The following EYS variants were observed in gnomAD, a reference collection of about 807,000 sequenced individuals.
EYS encodes the protein EGF-like photoreceptor maintenance factor.
A neutral mutation model predicts 282.1 loss-of-function variants in EYS; 250 were observed. That is an observed-to-expected ratio of 0.89 (90% confidence interval 0.80 to 0.98). The LOEUF is 0.98. Among genes scored for constraint, EYS ranks in the 50% least tolerant of loss-of-function variants. The pLI, the probability that EYS is intolerant of heterozygous loss-of-function variation, is 0.00. For missense variants in EYS, 4,016 were observed against 3,709.0 expected (o/e 1.08, Z -2.15); for synonymous variants, 1,355 against 1,282.9 (o/e 1.06, Z -1.20).
intron 35 of EYS, among the ~76,000 whole-genome samples, chr6:63,970,321 C>T (rs1460430329): frequency 2.0e-5 from 3 of 152,176 alleles, no homozygotes; most frequent in Admixed American, 2.0e-4. Context: ...ATGAAGCTGG[C>T]CATGGTTCCC....
chr6:63,827,606 A>T (rs939308970), intron 36 of EYS, among the ~76,000 whole-genome samples: 3 of 152,138 alleles, frequency 2.0e-5, no homozygotes, highest in African/African-American at 7.2e-5. Flanking sequence ...GCACTTTGGG[A>T]GGCCGAGGCG....
In EYS at chr6:65,176,805, T is replaced by C. The variant is rs529051275; in HGVS notation, c.2023+119058A>G. 6.4e-4 allele frequency among the ~76,000 whole-genome samples: 97 copies of C among 151,844 alleles called. 1 individual carries two copies. The highest frequency in any genetic ancestry group is 1.2e-3 in the Admixed American group (18 of 15,208). ...TTTGAAAGCTTACCTAAATGGTGGG[T>C]AACATCATTTGAAATTATTTGCATT... On this transcript the variant is annotated intron_variant, in intron 12 of 42. Coordinates refer to ENST00000503581, the MANE Select transcript of EYS (RefSeq NM_001142800.2).
intron 29 of EYS, among the ~76,000 whole-genome samples, chr6:64,340,269 T>A (rs1771050029): frequency 6.6e-6 from 1 of 151,282 alleles, no homozygotes; most frequent in African/African-American, 2.4e-5. Context: ...GCCAAATCAA[T>A]TCTAAGCAAA....
intron 31 of EYS, among the ~76,000 whole-genome samples, chr6:64,122,894 T>C (rs1773636551): frequency 6.6e-6 from 1 of 151,558 alleles, no homozygotes; most frequent in African/African-American, 2.4e-5. Context: ...CCAGGATAAA[T>C]AACAGAAATG....
intron 33 of EYS, among the ~76,000 whole-genome samples, chr6:64,045,385 TTA>T (rs1275287621): frequency 1.1e-5 from 1 of 92,558 alleles, no homozygotes; most frequent in Admixed American, 9.1e-5. Context: ...TGAAACAAGT[TTA>T]TTTTATTTTA....
intron 5 of EYS, among the ~76,000 whole-genome samples, chr6:65,488,459 G>C (rs566293354): frequency 6.6e-6 from 1 of 152,196 alleles, no homozygotes; most frequent in South Asian, 2.1e-4. Context: ...ATAAACCACT[G>C]CTCAAGGAAA....
chr6:65,378,945 G>C (rs1765504608), intron 8 of EYS, among the ~76,000 whole-genome samples: 1 of 151,866 alleles, frequency 6.6e-6, no homozygotes, highest in Non-Finnish European at 1.5e-5. Context: ...ATGACAGGTT[G>C]ATGGGTGCAG....
chr6:65,552,013 C>T (rs1177360241), intron 2 of EYS, among the ~76,000 whole-genome samples: 1 of 28,368 alleles, frequency 3.5e-5, no homozygotes, highest in Non-Finnish European at 5.2e-5. Context: ...AAAAAGTGGG[C>T]GAAGGTCATG....
chr6:63,778,337 A>T, intron 39 of EYS, 157 bp from the exon 40 acceptor site: 2 of 760,960 alleles, frequency 2.6e-6, no homozygotes, highest in Non-Finnish European at 2.1e-6. Flanking sequence ...GCGCAGAGAA[A>T]TTTTTTTTTA....
intron 22 of EYS, among the ~76,000 whole-genome samples, chr6:64,683,158 A>G (rs547126604): frequency 6.6e-6 from 1 of 152,342 alleles, no homozygotes; most frequent in East Asian, 1.9e-4. Flanking sequence ...GGCAGAATCA[A>G]CATTCTTTAT....
intron 12 of EYS, among the ~76,000 whole-genome samples, chr6:65,139,250 C>T (rs1764254348): frequency 6.6e-6 from 1 of 151,940 alleles, no homozygotes; most frequent in Non-Finnish European, 1.5e-5. Flanking sequence ...ACTATGCAGC[C>T]ATAAAAAAAG....
At chr6:64,504,958 A>T (rs1462055003) in intron 26 of EYS, among the ~76,000 whole-genome samples, 1 of 152,210 alleles carries the variant, frequency 6.6e-6, no homozygotes, top group African/African-American at 2.4e-5. Context: ...ACATGGTCAG[A>T]TTTATGAGAT....
At chr6:63,838,952 T>C (rs2149696157) in intron 36 of EYS, among the ~76,000 whole-genome samples, 1 of 152,314 alleles carries the variant, frequency 6.6e-6, no homozygotes, top group African/African-American at 2.4e-5. Context: ...TACATGATAA[T>C]TGCACATTTA....
intron 26 of EYS, among the ~76,000 whole-genome samples, chr6:64,457,607 G>A (rs1456788944): frequency 6.6e-6 from 1 of 151,888 alleles, no homozygotes; most frequent in Non-Finnish European, 1.5e-5. Flanking sequence ...ATACTATAGT[G>A]ACCTCCTTTG....
intron 13 of EYS, among the ~76,000 whole-genome samples, chr6:65,055,648 T>A (rs1288088343): frequency 6.6e-6 from 1 of 152,088 alleles, no homozygotes; most frequent in Non-Finnish European, 1.5e-5. Flanking sequence ...TTGCTTTTGA[T>A]GACCTTAACA....
At chr6:64,623,988 C>G (rs9353979) in intron 23 of EYS, among the ~76,000 whole-genome samples, 2,212 of 152,198 alleles carry the variant, frequency 0.015, 42 homozygotes, top group East Asian at 0.096. Flanking sequence ...GGAGCAGAGA[C>G]AGGAGTGTTG....
chr6:64,051,788 G>C (rs767091911), intron 33 of EYS, among the ~76,000 whole-genome samples: 9 of 152,076 alleles, frequency 5.9e-5, no homozygotes, highest in African/African-American at 1.2e-4. Context: ...TGTTCTGAAG[G>C]CCTGGCATAA....
intron 2 of EYS, among the ~76,000 whole-genome samples, chr6:65,513,780 G>T (rs1410027488): frequency 6.6e-6 from 1 of 151,890 alleles, no homozygotes; most frequent in Non-Finnish European, 1.5e-5. Context: ...AGGTATTGAT[G>T]GGATGTATCT....
intron 22 of EYS, among the ~76,000 whole-genome samples, chr6:64,699,023 G>T (rs145592179): frequency 6.6e-6 from 1 of 152,066 alleles, no homozygotes; most frequent in African/African-American, 2.4e-5. Flanking sequence ...ACACATGCAC[G>T]TGAATGTTCA....
Sources: allele counts gnomAD v4.1 joint callset (sites outside exome capture counted in the v4.1 genomes callset), GRCh38; gene constraint gnomAD v4.1.1; transcripts MANE v1.5; gene names NCBI Gene and HGNC (gene_info 2026-07-23, HGNC 2026-07-21).